MGLL: variants seen among roughly 807,000 people sequenced by gnomAD.
MGLL encodes the protein lysophospholipase homolog.
Under a neutral mutation model 29.1 loss-of-function variants are expected in MGLL, and 7 were observed. The observed-to-expected ratio is 0.24, with a 90% CI of 0.14 to 0.45. The LOEUF (loss-of-function observed/expected upper bound fraction) is 0.45, where lower values mean the gene tolerates loss of function less well. Ranked by LOEUF, MGLL falls within the 20% of genes least tolerant of loss-of-function variation. The probability of loss-of-function intolerance (pLI) is 0.99; values close to 1 mark genes in which losing one functional copy is unlikely to be tolerated. For synonymous variants in MGLL, 148 were observed against 168.3 expected (o/e 0.88, Z 0.93); for missense variants, 356 against 413.6 (o/e 0.86, Z 1.21).
intron 3 of MGLL, chr3:127,735,821 T>C (rs1236888133): frequency 3.8e-6 from 6 of 1,598,232 alleles, no homozygotes; most frequent in African/African-American, 1.3e-5. Context: ...GGTGCTCGCA[T>C]CCTTCCAGGG....
intron 3 of MGLL, among the ~76,000 whole-genome samples, chr3:127,729,515 A>G (rs2076108781): frequency 6.6e-6 from 1 of 152,204 alleles, no homozygotes; most frequent in Non-Finnish European, 1.5e-5. Context: ...AAAATTAACC[A>G]TTTTAAAGTG....
chr3:127,816,984 A>G (rs2077768818), intron 2 of MGLL, among the ~76,000 whole-genome samples: 1 of 152,226 alleles, frequency 6.6e-6, no homozygotes, highest in East Asian at 1.9e-4. Flanking sequence ...GAAAATCCTG[A>G]AAACCATGCA....
At chr3:127,821,433 GT>G (rs766212694) in intron 2 of MGLL, among the ~76,000 whole-genome samples, 6 of 152,158 alleles carry the variant, frequency 3.9e-5, no homozygotes, top group Non-Finnish European at 8.8e-5. Context: ...ATAAAGTCAT[GT>G]GGAATTTTTG....
chr3:127,806,067 T>C (rs16835993), intron 2 of MGLL, among the ~76,000 whole-genome samples: 7,347 of 152,294 alleles, frequency 0.048, 609 homozygotes, highest in African/African-American at 0.17. Flanking sequence ...AGCCTGACAA[T>C]GCCCATCTTT....
chr3:127,696,709 C>T (rs1011514763), intron 6 of MGLL, among the ~76,000 whole-genome samples: 2 of 151,952 alleles, frequency 1.3e-5, no homozygotes, highest in Admixed American at 6.5e-5. Flanking sequence ...CTACCGCGCC[C>T]GGCCCCATGA....
intron 2 of MGLL, among the ~76,000 whole-genome samples, chr3:127,810,011 TA>T (rs1365288504): frequency 6.6e-6 from 1 of 151,202 alleles, no homozygotes; most frequent in Non-Finnish European, 1.5e-5. Context: ...GACTAGACTG[TA>T]AACAATTACC....
intron 3 of MGLL, among the ~76,000 whole-genome samples, chr3:127,780,558 T>C (rs892691123): frequency 6.6e-6 from 1 of 152,220 alleles, no homozygotes; most frequent in Non-Finnish European, 1.5e-5. Flanking sequence ...GTCACAACTA[T>C]GATAAGAAAG....
chr3:127,693,152 C>T (rs1177402680), intron 7 of MGLL, among the ~76,000 whole-genome samples: 3 of 152,208 alleles, frequency 2.0e-5, no homozygotes, highest in South Asian at 2.1e-4. Context: ...CCGTTGCTCA[C>T]GTCAGTCTCT....
intron 2 of MGLL, among the ~76,000 whole-genome samples, chr3:127,814,497 G>A (rs1484465290): frequency 6.6e-6 from 1 of 152,230 alleles, no homozygotes; most frequent in Admixed American, 6.5e-5. Context: ...ATGACCAATA[G>A]TTTGGTTTGC....
chr3:127,702,373 G>A (rs571994516), intron 6 of MGLL, among the ~76,000 whole-genome samples: 367 of 152,284 alleles, frequency 2.4e-3, no homozygotes, highest in Non-Finnish European at 3.3e-3. Context: ...TCCCCGGCTC[G>A]ATAGACCCAA....
At position 127,822,494 on chromosome 3, in the gene MGLL, A is replaced by T. The variant is rs1181451132; in HGVS notation, c.-176T>A. 3.0e-6 allele frequency: 2 copies of T among 658,320 alleles called. No individual in the cohort carries two copies. Among genetic ancestry groups the T allele is most frequent in the Non-Finnish European group, 5.4e-6 (2 of 373,324 alleles). 40.8% of individuals were successfully genotyped at this position (658,320 alleles called of 1,614,324 possible). ...GGCGCTCAGCCGGGAGCCTGCTTCC[A>T]GCTCCCACCGGCAGGCTCTCCGGGG... On this transcript the variant is annotated 5_prime_UTR_variant, in exon 1 of 8. Transcript: ENST00000265052.
intron 3 of MGLL, among the ~76,000 whole-genome samples, chr3:127,726,180 G>GAAAGAAAGA (rs1398585291): frequency 5.8e-5 from 3 of 51,340 alleles, no homozygotes; most frequent in Admixed American, 2.0e-4. Context: ...AAGAAAGAAA[G>GAAAGAAAGA]AAAGAAAAGA....
intron 3 of MGLL, among the ~76,000 whole-genome samples, chr3:127,758,650 G>C (rs1010254933): frequency 6.6e-6 from 1 of 152,208 alleles, no homozygotes; most frequent in Admixed American, 6.5e-5. Flanking sequence ...CGGCTGTACC[G>C]AGCGAGGAGA....
At chr3:127,716,945 G>A (rs1001383636) in intron 5 of MGLL, among the ~76,000 whole-genome samples, 18 of 152,132 alleles carry the variant, frequency 1.2e-4, no homozygotes, top group African/African-American at 2.2e-4. Flanking sequence ...AGTGACCCTT[G>A]CTGGGAAGGC....
At chr3:127,749,815 T>C (rs1225885261) in intron 3 of MGLL, among the ~76,000 whole-genome samples, 1 of 152,102 alleles carries the variant, frequency 6.6e-6, no homozygotes, top group African/African-American at 2.4e-5. Flanking sequence ...GGGTTTACTG[T>C]TTTAGAGGAG....
chr3:127,692,102 T>TG lies in MGLL; in HGVS notation c.*95_*96insC. On this transcript the variant is annotated 3_prime_UTR_variant, in exon 8 of 8. Transcript: ENST00000265052. ...GATTTCTCCAATTTCTGATTTTTTT[T>TG]TTTTTTTTTTTTTGGCAAGCCATAT... 2 of 900,480 alleles carry TG rather than the reference T, an allele frequency of 2.2e-6. No individual in the cohort carries two copies. The highest frequency in any genetic ancestry group is 3.1e-6 in the Non-Finnish European group (2 of 651,504). 55.8% of individuals were successfully genotyped at this position (900,480 alleles called of 1,614,324 possible).
At chr3:127,739,997 C>T (rs530790134) in intron 3 of MGLL, among the ~76,000 whole-genome samples, 12 of 152,298 alleles carry the variant, frequency 7.9e-5, no homozygotes, top group African/African-American at 1.7e-4. Context: ...TGTGGGAGCC[C>T]GCTCAGAGGC....
chr3:127,775,079 T>C (rs1029988922), intron 3 of MGLL, among the ~76,000 whole-genome samples: 4 of 152,158 alleles, frequency 2.6e-5, no homozygotes, highest in Middle Eastern at 3.4e-3. Flanking sequence ...CTATGCTTAA[T>C]AGTGAATGAA....
At chr3:127,797,697 TC>T (rs1254087666) in intron 2 of MGLL, among the ~76,000 whole-genome samples, 1 of 152,012 alleles carries the variant, frequency 6.6e-6, no homozygotes. Flanking sequence ...AGCCTCAAAC[TC>T]CCGGGCTCAA....
Sources: gnomAD v4.1 joint callset for allele counts (sites outside exome capture counted in the v4.1 genomes callset) on GRCh38, gnomAD v4.1.1 for gene constraint, MANE v1.5 for transcripts, NCBI Gene and HGNC (gene_info 2026-07-23, HGNC 2026-07-21) for gene names.